BACH2: variants seen among roughly 807,000 people sequenced by gnomAD.
BACH2 encodes transcription regulator protein BACH2.
BACH2 carries 5 observed loss-of-function variants against 61.8 expected under a neutral mutation model. The observed-to-expected ratio is 0.08, with a 90% CI of 0.04 to 0.17. BACH2 has a LOEUF of 0.17. Ranked by LOEUF, BACH2 falls within the 10% of genes least tolerant of loss-of-function variation. The probability of loss-of-function intolerance (pLI) is 1.00; values close to 1 mark genes in which losing one functional copy is unlikely to be tolerated. For missense variants in BACH2, 824 were observed against 1,091.1 expected (o/e 0.76, Z 3.45); for synonymous variants, 446 against 440.1 (o/e 1.01, Z -0.17).
chr6:90,280,109 G>A (rs1771813632), intron 1 of BACH2, among the ~76,000 whole-genome samples: 1 of 151,802 alleles, frequency 6.6e-6, no homozygotes. Flanking sequence ...GTCAAAATAT[G>A]GACTATGTAT....
At chr6:89,942,889 G>A (rs1298029933) in intron 7 of BACH2, among the ~76,000 whole-genome samples, 2 of 152,210 alleles carry the variant, frequency 1.3e-5, no homozygotes, top group Non-Finnish European at 2.9e-5. Flanking sequence ...AGGAGCAGCA[G>A]GACCGAGGTG....
At chr6:90,108,617 T>C (rs1783029274) in intron 4 of BACH2, among the ~76,000 whole-genome samples, 1 of 152,172 alleles carries the variant, frequency 6.6e-6, no homozygotes. Context: ...CAGAGGATGC[T>C]ACCTCACAAG....
intron 5 of BACH2, among the ~76,000 whole-genome samples, chr6:90,071,725 C>T (rs536478499): frequency 1.3e-5 from 2 of 152,364 alleles, no homozygotes; most frequent in African/African-American, 4.8e-5. Context: ...TCACTTCTGA[C>T]TCTTCCAAAA....
At chr6:90,071,142 C>A (rs540650647) in intron 5 of BACH2, among the ~76,000 whole-genome samples, 1 of 152,208 alleles carries the variant, frequency 6.6e-6, no homozygotes, top group Admixed American at 6.5e-5. Context: ...AGAGCCACCA[C>A]GTCCAGTTTA....
intron 3 of BACH2, among the ~76,000 whole-genome samples, chr6:90,216,372 G>A (rs941611041): frequency 1.3e-5 from 2 of 152,190 alleles, no homozygotes; most frequent in African/African-American, 2.4e-5. Context: ...TTCTGGGGCT[G>A]GATATACAGG....
intron 6 of BACH2, among the ~76,000 whole-genome samples, chr6:89,955,779 G>C (rs767651743): frequency 2.6e-5 from 4 of 152,096 alleles, no homozygotes; most frequent in Admixed American, 6.5e-5. Context: ...TCAGGTACCA[G>C]TGAAAAGCTG....
At chr6:90,025,384 G>A (rs962338861) in intron 5 of BACH2, among the ~76,000 whole-genome samples, 1 of 152,116 alleles carries the variant, frequency 6.6e-6, no homozygotes, top group African/African-American at 2.4e-5. Context: ...CTCTTGGCAA[G>A]CCTTCTTTTC....
chr6:90,008,856 C>A lies in BACH2; in HGVS notation c.-12G>T, dbSNP rs1035523633. On this transcript the variant is annotated splice_region_variant and 5_prime_UTR_variant, in exon 6 of 9. An upstream start codon of the reference 5' UTR is lost. Coordinates refer to ENST00000257749, the MANE Select transcript of BACH2 (RefSeq NM_021813.4). This position sits in a 1 kb window ranked among gnomAD's most constrained non-coding sequence, Gnocchi z 4.1. ...TCATCCACAGACATGCCGTTCACAC[C>A]CTGAAAGAAAGAAAGAAACAAAGAA... The A allele has an allele frequency of 1.2e-6, 2 of 1,610,818 alleles. No homozygotes were observed. Among genetic ancestry groups the A allele is most frequent in the Non-Finnish European group, 1.7e-6 (2 of 1,177,990 alleles).
At chr6:90,035,801 G>C (rs1779234129) in intron 5 of BACH2, among the ~76,000 whole-genome samples, 1 of 151,794 alleles carries the variant, frequency 6.6e-6, no homozygotes, top group African/African-American at 2.4e-5. Context: ...AGACGTTTAG[G>C]CTCAAAGATA....
intron 4 of BACH2, among the ~76,000 whole-genome samples, chr6:90,092,291 A>AATAT (rs1167228249): frequency 1.8e-5 from 2 of 113,824 alleles, no homozygotes; most frequent in African/African-American, 7.2e-5. Flanking sequence ...AAAAAAAAAA[A>AATAT]ATATATATAT....
rs543589290 is a variant in BACH2, at chr6:89,944,364, C to T, written c.1836+5906G>A. Among the ~76,000 whole-genome samples, 5 of 152,374 alleles carry T rather than the reference C, an allele frequency of 3.3e-5. No homozygotes were observed. In the South Asian group the frequency reaches 1.0e-3, roughly 32 times the overall value. Reference sequence around the variant, plus strand: ...GTTTATTAGCCCTATCTATCTCTGTCACATGGTTTCGTCTTACAGACATGT... The same window carrying T: ...GTTTATTAGCCCTATCTATCTCTGTTACATGGTTTCGTCTTACAGACATGT... On this transcript the variant is annotated intron_variant, in intron 7 of 8. Coordinates refer to ENST00000257749, the MANE Select transcript of BACH2 (RefSeq NM_021813.4).
chr6:90,085,996 C>T (rs1365363589), intron 5 of BACH2, among the ~76,000 whole-genome samples: 3 of 152,126 alleles, frequency 2.0e-5, no homozygotes, highest in Middle Eastern at 3.2e-3. Context: ...ATTTTTCCAT[C>T]CTCCCATCCC....
At chr6:89,938,098 T>A in intron 8 of BACH2, 46 bp downstream of exon 8, 1 of 1,561,988 alleles carries the variant, frequency 6.4e-7, no homozygotes, top group Non-Finnish European at 8.8e-7. Context: ...TTTACATTAG[T>A]CCTGGTCACT....
Position 90,108,323 on chromosome 6 carries a change from G to A in BACH2, c.-161-19214C>T, listed in dbSNP as rs776923647. 1.1e-3 allele frequency among the ~76,000 whole-genome samples: 160 copies of A among 152,142 alleles called. 1 individual carries two copies. Among genetic ancestry groups the A allele is most frequent in the Non-Finnish European group, 2.8e-4 (19 of 68,018 alleles). The stretch of plus-strand genomic sequence containing the variant: ...GGGAAGGTGGACAGCATGTGCTTGG[G>A]ATGGAATACAGCCCTGACTAAGCTT... On this transcript the variant is annotated intron_variant, in intron 4 of 8. Coordinates refer to ENST00000257749, the MANE Select transcript of BACH2 (RefSeq NM_021813.4).
intron 5 of BACH2, among the ~76,000 whole-genome samples, chr6:90,015,005 T>C (rs1011366030): frequency 6.6e-6 from 1 of 150,906 alleles, no homozygotes; most frequent in Non-Finnish European, 1.5e-5. Context: ...GGTCTTCAAC[T>C]CTTGGTGTCA....
intron 4 of BACH2, among the ~76,000 whole-genome samples, chr6:90,098,431 T>C (rs141237031): frequency 6.6e-6 from 1 of 152,200 alleles, no homozygotes. Flanking sequence ...TTCATTTTTA[T>C]TCCAAAAATT....
chr6:90,204,993 A>T (rs1473933960), intron 4 of BACH2, among the ~76,000 whole-genome samples: 1 of 152,196 alleles, frequency 6.6e-6, no homozygotes, highest in Non-Finnish European at 1.5e-5. Context: ...CTCTTCAGAT[A>T]GGATAAAGCG....
At chr6:90,209,237 G>T (rs1215720074) in intron 3 of BACH2, among the ~76,000 whole-genome samples, 1 of 146,378 alleles carries the variant, frequency 6.8e-6, no homozygotes, top group Non-Finnish European at 1.5e-5. Context: ...CATAGCAATA[G>T]CATATTTTAA....
intron 5 of BACH2, among the ~76,000 whole-genome samples, chr6:90,078,099 T>A (rs1051650944): frequency 2.6e-5 from 4 of 152,200 alleles, no homozygotes; most frequent in African/African-American, 9.7e-5. Flanking sequence ...ATCTGGTCAA[T>A]CTGTCAGATT....
Sources: allele counts gnomAD v4.1 joint callset (sites outside exome capture counted in the v4.1 genomes callset), GRCh38; gene constraint gnomAD v4.1.1; non-coding constraint Gnocchi (gnomAD v3.1); transcripts MANE v1.5; gene names NCBI Gene and HGNC (gene_info 2026-07-23, HGNC 2026-07-21).